The following KCNH7 variants were observed in gnomAD, a reference collection of about 807,000 sequenced individuals.
The protein encoded by KCNH7 is potassium voltage-gated channel subfamily H member 7, also known as voltage-gated inwardly rectifying potassium channel KCNH7.
In KCNH7, 49 loss-of-function variants were observed where a neutral mutation model predicts 120.8. That is an observed-to-expected ratio of 0.41 (90% CI 0.32 to 0.51). The LOEUF is 0.51. Among genes scored for constraint, KCNH7 ranks in the 20% least tolerant of loss-of-function variants. The pLI is 0.38. For missense variants in KCNH7, 1,097 were observed against 1,446.6 expected (o/e 0.76, Z 3.92); for synonymous variants, 547 against 516.1 (o/e 1.06, Z -0.81).
intron 6 of KCNH7, among the ~76,000 whole-genome samples, chr2:162,466,211 T>G (rs1292362143): frequency 6.6e-6 from 1 of 152,166 alleles, no homozygotes; most frequent in Admixed American, 6.5e-5. Context: ...AACCCTTGCC[T>G]GACAATATTG....
At chr2:162,511,668 C>G (rs572789728) in intron 5 of KCNH7, among the ~76,000 whole-genome samples, 2 of 151,526 alleles carry the variant, frequency 1.3e-5, no homozygotes, top group African/African-American at 4.8e-5. Context: ...TGCTCCCTAG[C>G]GCTATTAATT....
rs573753682 is a variant in KCNH7 at position 162,513,426 on chromosome 2, T to TTTCCTTCCTTCC, written c.893-764_893-753dup. Among the ~76,000 whole-genome samples the TTTCCTTCCTTCC allele has an allele frequency of 1.3e-4, 12 of 89,632 alleles. 2 individuals are homozygous for TTTCCTTCCTTCC. The East Asian group carries it at 1.9e-3, about 14-fold the overall frequency. The allele number at this position is 89,632 out of a possible 152,430, so 58.8% of individuals were successfully genotyped here. On this transcript the variant is annotated intron_variant, in intron 4 of 15. Transcript: ENST00000332142. ...CCTTCTTTCCTTCCTTCCCTCCTTCTTTCCTTCCTTCCTTCCTTCCTTCCT... is the reference window on the plus strand; with the variant it reads ...CCTTCTTTCCTTCCTTCCCTCCTTCTTTCCTTCCTTCCTTCCTTCCTTCCTTCCTTCCTTCCT...
chr2:162,609,846 A>G (rs1298922107), intron 2 of KCNH7, among the ~76,000 whole-genome samples: 2 of 152,006 alleles, frequency 1.3e-5, no homozygotes, highest in African/African-American at 2.4e-5. Flanking sequence ...AGTGCATAAC[A>G]CTCTGGGGAC....
rs73974005 is a variant in KCNH7 at position 162,539,813 on chromosome 2, A to G, written c.308-2733T>C. Reference sequence around the variant, plus strand: ...TTCTCTTTTAGTTTGGGGATTTAATATCTCCATCAATCTTGCATAGCCTCC... The same window carrying G: ...TTCTCTTTTAGTTTGGGGATTTAATGTCTCCATCAATCTTGCATAGCCTCC... On this transcript the variant is annotated intron_variant, in intron 2 of 15. Transcript: ENST00000332142. Among the ~76,000 whole-genome samples the G allele has an allele frequency of 6.9e-3, 1,057 of 152,200 alleles. 7 individuals are homozygous for G. Among genetic ancestry groups the G allele is most frequent in the African/African-American group, 0.017 (712 of 41,562 alleles).
intron 2 of KCNH7, among the ~76,000 whole-genome samples, chr2:162,641,280 T>C (rs1684147375): frequency 1.3e-5 from 2 of 152,222 alleles, no homozygotes; most frequent in Admixed American, 1.3e-4. Context: ...GATGAACAGT[T>C]ATACAAACTA....
chr2:162,678,758 CTT>C (rs912577990), intron 2 of KCNH7, among the ~76,000 whole-genome samples: 6 of 151,520 alleles, frequency 4.0e-5, no homozygotes, highest in African/African-American at 1.4e-4. Flanking sequence ...CCCAGGAACT[CTT>C]TCAAAATTCT....
At chr2:162,665,095 A>G (rs1044500722) in intron 2 of KCNH7, among the ~76,000 whole-genome samples, 2 of 151,292 alleles carry the variant, frequency 1.3e-5, no homozygotes, top group African/African-American at 4.9e-5. Flanking sequence ...AAGCATTATG[A>G]AAAGTGAAAA....
chr2:162,676,573 T>C (rs778136754), intron 2 of KCNH7, among the ~76,000 whole-genome samples: 2 of 151,412 alleles, frequency 1.3e-5, no homozygotes, highest in Non-Finnish European at 3.0e-5. Flanking sequence ...GAACCTTCCC[T>C]AGCAAACAAG....
chr2:162,500,418 A>T lies in KCNH7; in HGVS notation c.1128+4025T>A, dbSNP rs532962047. The stretch of plus-strand genomic sequence containing the variant: ...TCAATACATGCTTTTGAATGAATAA[A>T]CAAATACATGAATGACCAACGAATG... On this transcript the variant is annotated intron_variant, in intron 6 of 15. Transcript: ENST00000332142. 1.1e-3 allele frequency among the ~76,000 whole-genome samples: 162 copies of T among 149,988 alleles called. 1 individual carries two copies. Among genetic ancestry groups the T allele is most frequent in the Non-Finnish European group, 1.9e-3 (131 of 67,608 alleles).
chr2:162,599,087 C>G (rs1183980062), intron 2 of KCNH7, among the ~76,000 whole-genome samples: 1 of 151,892 alleles, frequency 6.6e-6, no homozygotes, highest in Non-Finnish European at 1.5e-5. Flanking sequence ...GAAACCCTGT[C>G]TCTACTAAAA....
At chr2:162,627,700 G>C (rs994640210) in intron 2 of KCNH7, among the ~76,000 whole-genome samples, 1 of 152,132 alleles carries the variant, frequency 6.6e-6, no homozygotes, top group Non-Finnish European at 1.5e-5. Flanking sequence ...GGTTGGCTTG[G>C]ACCCTGGAGT....
intron 13 of KCNH7, among the ~76,000 whole-genome samples, chr2:162,382,070 C>G (rs1185734735): frequency 6.6e-6 from 1 of 152,052 alleles, no homozygotes; most frequent in African/African-American, 2.4e-5. Context: ...TATGCTCACA[C>G]ATTTTGTGCC....
intron 7 of KCNH7, among the ~76,000 whole-genome samples, chr2:162,442,083 C>T (rs1688439807): frequency 8.2e-6 from 1 of 121,372 alleles, no homozygotes. Flanking sequence ...GTGGTGCGAT[C>T]TCTGCTATCT....
At chr2:162,704,104 T>G (rs1311642173) in intron 2 of KCNH7, among the ~76,000 whole-genome samples, 1 of 152,130 alleles carries the variant, frequency 6.6e-6, no homozygotes, top group Non-Finnish European at 1.5e-5. Context: ...ATATGTGAAC[T>G]TTTCATATGA....
chr2:162,401,823 A>G (rs1687071878), intron 9 of KCNH7, among the ~76,000 whole-genome samples: 1 of 151,886 alleles, frequency 6.6e-6, no homozygotes, highest in African/African-American at 2.4e-5. Context: ...TGGATTTGCC[A>G]CAGGTTGACT....
chr2:162,559,725 C>G (rs185213535), intron 2 of KCNH7, among the ~76,000 whole-genome samples: 23 of 152,260 alleles, frequency 1.5e-4, no homozygotes, highest in Admixed American at 1.4e-3. Context: ...TGATATCTCA[C>G]ATTGATGGGG....
chr2:162,652,152 A>C (rs977380845), intron 2 of KCNH7, among the ~76,000 whole-genome samples: 1 of 152,176 alleles, frequency 6.6e-6, no homozygotes, highest in Non-Finnish European at 1.5e-5. Context: ...CAAAGCAGTG[A>C]AATTTGAGTT....
At chr2:162,724,709 G>A (rs1010073111) in intron 2 of KCNH7, among the ~76,000 whole-genome samples, 1 of 151,098 alleles carries the variant, frequency 6.6e-6, no homozygotes, top group Non-Finnish European at 1.5e-5. Context: ...AAAATTTATA[G>A]AAATGTGATC....
intron 9 of KCNH7, among the ~76,000 whole-genome samples, chr2:162,410,736 T>A (rs910740491): frequency 1.3e-5 from 2 of 151,932 alleles, no homozygotes. Flanking sequence ...CATAAGGAAC[T>A]TAAGCAAACC....
Sources: allele counts gnomAD v4.1 joint callset (sites outside exome capture counted in the v4.1 genomes callset), GRCh38; gene constraint gnomAD v4.1.1; transcripts MANE v1.5; gene names NCBI Gene and HGNC (gene_info 2026-07-23, HGNC 2026-07-21).